The following THSD7B variants were observed in gnomAD, a reference collection of about 807,000 sequenced individuals.
THSD7B encodes thrombospondin type 1 domain containing 7B.
In THSD7B, 138 loss-of-function variants were observed where a neutral mutation model predicts 213.6. The observed-to-expected ratio is 0.65, with a 90% CI of 0.56 to 0.74. The LOEUF (loss-of-function observed/expected upper bound fraction) is 0.74, where lower values mean the gene tolerates loss of function less well. Among genes scored for constraint, THSD7B ranks in the 30% least tolerant of loss-of-function variants. The pLI, the probability that THSD7B is intolerant of heterozygous loss-of-function variation, is 0.00. For synonymous variants in THSD7B, 742 were observed against 687.0 expected, an observed-to-expected ratio of 1.08 and a Z score of -1.25; for missense variants, 1,931 against 1,991.5, an observed-to-expected ratio of 0.97 and a Z score of 0.58.
intron 2 of THSD7B, among the ~76,000 whole-genome samples, chr2:136,990,159 G>A (rs1685745840): frequency 6.6e-6 from 1 of 152,234 alleles, no homozygotes; most frequent in African/African-American, 2.4e-5. Flanking sequence ...CGACATTTCT[G>A]AGTTTATACA....
At chr2:137,043,050 G>A (rs952736660) in intron 2 of THSD7B, among the ~76,000 whole-genome samples, 1 of 152,190 alleles carries the variant, frequency 6.6e-6, no homozygotes. Context: ...TGTCCCATGG[G>A]TCTGTCAGCC....
At chr2:137,452,801 A>G (rs968090567) in intron 15 of THSD7B, among the ~76,000 whole-genome samples, 1 of 152,194 alleles carries the variant, frequency 6.6e-6, no homozygotes, top group African/African-American at 2.4e-5. Context: ...AAGGGATGAC[A>G]TGACAGTATT....
intron 14 of THSD7B, among the ~76,000 whole-genome samples, chr2:137,433,868 A>G (rs1327532528): frequency 3.9e-5 from 6 of 152,280 alleles, no homozygotes; most frequent in Admixed American, 1.3e-4. Context: ...CCCCAATCTG[A>G]GTATATATGT....
chr2:137,559,155 A>T (rs1326511912), intron 15 of THSD7B, among the ~76,000 whole-genome samples: 2 of 152,152 alleles, frequency 1.3e-5, no homozygotes. Context: ...TAATTTATAG[A>T]TTCAATGCCA....
chr2:137,195,775 T>C (rs1190612817), intron 7 of THSD7B, among the ~76,000 whole-genome samples: 1 of 152,140 alleles, frequency 6.6e-6, no homozygotes, highest in South Asian at 2.1e-4. Context: ...ATCAGAGTGA[T>C]AATTAAGTCA....
intron 1 of THSD7B, among the ~76,000 whole-genome samples, chr2:136,830,888 GATAAGTGATCC>G (rs1042600644): frequency 5.9e-5 from 9 of 152,096 alleles, no homozygotes; most frequent in African/African-American, 2.2e-4. Context: ...TTGATCTTGG[GATAAGTGATCC>G]ATAAATCCCC....
chr2:137,183,799 T>C (rs34215772), intron 7 of THSD7B, among the ~76,000 whole-genome samples: 10,517 of 152,190 alleles, frequency 0.069, 391 homozygotes, highest in African/African-American at 0.094. Context: ...AGAACATCTA[T>C]GGAAAATCAA....
intron 1 of THSD7B, among the ~76,000 whole-genome samples, chr2:136,773,772 A>G (rs1189854605): frequency 6.6e-6 from 1 of 152,072 alleles, no homozygotes; most frequent in Non-Finnish European, 1.5e-5. Context: ...TTTTAACGGT[A>G]CATACCAGAC....
intron 2 of THSD7B, among the ~76,000 whole-genome samples, chr2:136,964,667 C>T (rs1015249431): frequency 5.9e-5 from 9 of 152,086 alleles, no homozygotes; most frequent in Non-Finnish European, 1.0e-4. Flanking sequence ...ATAACAAAAA[C>T]ATCTCTCCAG....
intron 2 of THSD7B, among the ~76,000 whole-genome samples, chr2:136,887,314 G>GTA (rs2104996376): frequency 6.6e-6 from 1 of 150,820 alleles, no homozygotes; most frequent in East Asian, 2.0e-4. Flanking sequence ...GTGTGTGTGT[G>GTA]TGTGTGTGTG....
Position 137,414,471 on chromosome 2 carries a change from C to A in THSD7B, c.2959+2599C>A, listed in dbSNP as rs137929459. Reference sequence around the variant, plus strand: ...CTGTGGCTCATGCCTGTAATCCCAGCACTTTGGGAGGCATAGGTGGGAGGA... The same window carrying A: ...CTGTGGCTCATGCCTGTAATCCCAGAACTTTGGGAGGCATAGGTGGGAGGA... On this transcript the variant is annotated intron_variant, in intron 14 of 27. Transcript: ENST00000409968. Among the ~76,000 whole-genome samples the A allele has an allele frequency of 5.7e-3, 871 of 152,172 alleles. 1 individual carries two copies. The highest frequency in any genetic ancestry group is 0.011 in the Non-Finnish European group (723 of 67,994).
chr2:137,580,375 T>G (rs994735630), intron 17 of THSD7B, among the ~76,000 whole-genome samples: 2 of 152,198 alleles, frequency 1.3e-5, no homozygotes, highest in African/African-American at 4.8e-5. Flanking sequence ...GGGTGTTATA[T>G]TGGTATTACA....
chr2:137,250,768 G>T (rs1302434372), intron 10 of THSD7B, among the ~76,000 whole-genome samples: 1 of 152,190 alleles, frequency 6.6e-6, no homozygotes, highest in Non-Finnish European at 1.5e-5. Flanking sequence ...CACAAAGTGT[G>T]CTATGAAGGT....
At chr2:136,920,630 C>G (rs923508909) in intron 2 of THSD7B, among the ~76,000 whole-genome samples, 2 of 152,346 alleles carry the variant, frequency 1.3e-5, no homozygotes, top group Middle Eastern at 3.4e-3. Context: ...CCCCAAACCT[C>G]AAGCCTTTCC....
chr2:136,779,108 G>A (rs868125395), intron 1 of THSD7B, among the ~76,000 whole-genome samples: 7 of 152,090 alleles, frequency 4.6e-5, no homozygotes, highest in African/African-American at 1.7e-4. Context: ...TATGAAGTGT[G>A]TAAACTTGAG....
At chr2:137,436,920 G>A (rs528493166) in intron 14 of THSD7B, among the ~76,000 whole-genome samples, 34 of 152,196 alleles carry the variant, frequency 2.2e-4, no homozygotes, top group African/African-American at 1.9e-4. Context: ...CAAAGCCAGA[G>A]CCAAATTTCT....
intron 2 of THSD7B, among the ~76,000 whole-genome samples, chr2:136,998,045 G>C (rs77114272): frequency 6.6e-6 from 1 of 151,948 alleles, no homozygotes; most frequent in African/African-American, 2.4e-5. Flanking sequence ...CAAGGAGCTC[G>C]GGACAGGATT....
intron 2 of THSD7B, among the ~76,000 whole-genome samples, chr2:136,919,106 A>C (rs1349532828): frequency 3.3e-5 from 5 of 152,192 alleles, no homozygotes; most frequent in African/African-American, 1.2e-4. Context: ...TTCCCAAATG[A>C]TGTGTTCCTT....
intron 2 of THSD7B, among the ~76,000 whole-genome samples, chr2:137,022,838 A>T (rs1573772386): frequency 6.6e-6 from 1 of 152,292 alleles, no homozygotes. Flanking sequence ...TTTTGGGGCC[A>T]TAAAGTTTCT....
Sources: gnomAD v4.1 joint callset for allele counts (sites outside exome capture counted in the v4.1 genomes callset) on GRCh38, gnomAD v4.1.1 for gene constraint, MANE v1.5 for transcripts, NCBI Gene and HGNC (gene_info 2026-07-23, HGNC 2026-07-21) for gene names.